Variants in EYS observed in about 807,000 individuals in gnomAD.
EYS encodes EGF-like photoreceptor maintenance factor.
In EYS, 250 loss-of-function variants were observed where a neutral mutation model predicts 282.1. That is an observed-to-expected ratio of 0.89 (90% CI 0.80 to 0.98). EYS has a LOEUF of 0.98. EYS is among the 50% of genes least tolerant of loss of function. EYS has a pLI of 0.00. For synonymous variants in EYS, 1,355 were observed against 1,282.9 expected (o/e 1.06, Z -1.20); for missense variants, 4,016 against 3,709.0 (o/e 1.08, Z -2.15).
chr6:65,252,960 A>G (rs931621973), intron 12 of EYS, among the ~76,000 whole-genome samples: 2 of 151,960 alleles, frequency 1.3e-5, no homozygotes, highest in African/African-American at 2.4e-5. Flanking sequence ...GACCTGTTAG[A>G]CAATAAAATT....
intron 29 of EYS, among the ~76,000 whole-genome samples, chr6:64,365,615 C>T (rs1772157621): frequency 6.6e-6 from 1 of 151,992 alleles, no homozygotes. Flanking sequence ...GTAGTCCCCC[C>T]TTATTCATGG....
At chr6:65,452,905 T>A (rs1764457799) in intron 5 of EYS, among the ~76,000 whole-genome samples, 2 of 152,016 alleles carry the variant, frequency 1.3e-5, no homozygotes, top group South Asian at 4.1e-4. Context: ...ATCAATCTGA[T>A]AATGAGAAAT....
chr6:65,350,075 C>T (rs531895519), intron 9 of EYS, among the ~76,000 whole-genome samples: 7 of 151,362 alleles, frequency 4.6e-5, no homozygotes, highest in African/African-American at 1.7e-4. Context: ...TGTAAAAATG[C>T]TTTAAAAACT....
At chr6:64,682,360 T>G (rs1471095214) in intron 22 of EYS, among the ~76,000 whole-genome samples, 1 of 151,850 alleles carries the variant, frequency 6.6e-6, no homozygotes. Flanking sequence ...AGAGGGAGAC[T>G]CCATCTCAAA....
chr6:63,971,461 G>C (rs1487611652), intron 35 of EYS, among the ~76,000 whole-genome samples: 1 of 152,100 alleles, frequency 6.6e-6, no homozygotes, highest in Non-Finnish European at 1.5e-5. Context: ...ATAGAAAATA[G>C]CACTGGAAGT....
At chr6:65,248,181 TAA>T (rs1767230638) in intron 12 of EYS, among the ~76,000 whole-genome samples, 1 of 152,104 alleles carries the variant, frequency 6.6e-6, no homozygotes, top group Non-Finnish European at 1.5e-5. Flanking sequence ...CTACTATTAT[TAA>T]GTCAGAAATA....
Position 65,707,200 on chromosome 6 carries a change from T to TGCCTA in EYS, c.-518_-514dup, listed in dbSNP as rs1434036607. 1 of 152,162 alleles carries TGCCTA rather than the reference T, an allele frequency of 6.6e-6. No individual in the cohort carries two copies. Among genetic ancestry groups the TGCCTA allele is most frequent in the East Asian group, 1.9e-4 (1 of 5,186 alleles). The allele number at this position is 152,162 out of a possible 1,614,324, so 9.4% of individuals were successfully genotyped here. A position where few individuals can be genotyped will look rare whatever the true frequency, so the allele number is the denominator to read the frequency against. On this transcript the variant is annotated 5_prime_UTR_variant, in exon 1 of 43. Coordinates refer to ENST00000503581, the MANE Select transcript of EYS (RefSeq NM_001142800.2). ...TCTGATTACGGTTAATGTCTGGACA[T>TGCCTA]GCCTAGCGTGTATCACTTTGTTTCT...
At position 64,291,072 on chromosome 6, in the gene EYS, G is replaced by T. The variant is rs200530437; in HGVS notation, c.6191+15898C>A. On this transcript the variant is annotated intron_variant, in intron 30 of 42. Transcript: ENST00000503581. The stretch of plus-strand genomic sequence containing the variant: ...GAGCGGGTATATAAGCTCTTCTGTT[G>T]CAAAGCTAGTAGAAAACTTAACTTT... Among the ~76,000 whole-genome samples, 15 of 57,106 alleles carry T rather than the reference G, an allele frequency of 2.6e-4. No individual in the cohort carries two copies. The East Asian group carries it at 3.7e-3, about 14-fold the overall frequency. 37.5% of individuals were successfully genotyped at this position (57,106 alleles called of 152,430 possible). A position where few individuals can be genotyped will look rare whatever the true frequency, so the allele number is the denominator to read the frequency against.
At chr6:64,877,201 T>C (rs1766774645) in intron 19 of EYS, among the ~76,000 whole-genome samples, 1 of 152,100 alleles carries the variant, frequency 6.6e-6, no homozygotes, top group African/African-American at 2.4e-5. Context: ...CTCCACAGTT[T>C]TGGCCTGAGA....
rs181871126 is a variant in EYS, at chr6:64,027,491, C to T, written c.6726-28308G>A. Among the ~76,000 whole-genome samples, 50 of 152,234 alleles carry T rather than the reference C, an allele frequency of 3.3e-4. No individual in the cohort carries two copies. The East Asian group carries it at 7.0e-3, about 21-fold the overall frequency. ...GAGGCATTACTAAACCTGGCAACCT[C>T]GGTGTTCTATAATAGGGACCAAGAG... On this transcript the variant is annotated intron_variant, in intron 33 of 42. Transcript: ENST00000503581.
At chr6:63,796,678 G>A (rs1770652863) in intron 37 of EYS, among the ~76,000 whole-genome samples, 1 of 152,080 alleles carries the variant, frequency 6.6e-6, no homozygotes, top group Non-Finnish European at 1.5e-5. Context: ...AAAGTCCCAA[G>A]TAGTACAAGG....
intron 28 of EYS, among the ~76,000 whole-genome samples, chr6:64,394,481 T>G (rs1168423348): frequency 1.3e-5 from 2 of 152,070 alleles, no homozygotes; most frequent in Non-Finnish European, 2.9e-5. Flanking sequence ...ACGCCGCATA[T>G]CTACAACTAT....
intron 36 of EYS, among the ~76,000 whole-genome samples, chr6:63,861,378 A>C (rs1387999700): frequency 6.6e-6 from 1 of 152,204 alleles, no homozygotes; most frequent in African/African-American, 2.4e-5. Flanking sequence ...TGTCCTAGGC[A>C]TAATTATCTT....
chr6:65,526,905 T>C (rs1185804629), intron 2 of EYS, among the ~76,000 whole-genome samples: 1 of 152,186 alleles, frequency 6.6e-6, no homozygotes, highest in Non-Finnish European at 1.5e-5. Context: ...TAAGCTTCTC[T>C]AAAACTCAAC....
intron 41 of EYS, among the ~76,000 whole-genome samples, chr6:63,730,491 T>C (rs993247194): frequency 1.2e-4 from 18 of 152,196 alleles, no homozygotes; most frequent in Admixed American, 1.2e-3. Context: ...GTGCATATGG[T>C]GCACTGCATA....
intron 1 of EYS, among the ~76,000 whole-genome samples, chr6:65,676,148 C>A (rs1245503444): frequency 6.6e-6 from 1 of 151,706 alleles, no homozygotes; most frequent in Non-Finnish European, 1.5e-5. Context: ...CTCAAATAAA[C>A]AACCTAACTT....
intron 18 of EYS, among the ~76,000 whole-genome samples, chr6:64,900,782 C>T (rs985466679): frequency 6.6e-6 from 1 of 152,074 alleles, no homozygotes; most frequent in Non-Finnish European, 1.5e-5. Context: ...AATGCTTTTA[C>T]ACTGTTGGTG....
At chr6:65,258,609 C>T (rs1767535718) in intron 12 of EYS, among the ~76,000 whole-genome samples, 1 of 151,974 alleles carries the variant, frequency 6.6e-6, no homozygotes, top group African/African-American at 2.4e-5. Flanking sequence ...GTCTTTCTTG[C>T]ATTGGTTAAA....
At chr6:64,479,472 T>C (rs1776370837) in intron 26 of EYS, among the ~76,000 whole-genome samples, 1 of 151,960 alleles carries the variant, frequency 6.6e-6, no homozygotes, top group African/African-American at 2.4e-5. Flanking sequence ...AATCTCTTAC[T>C]GTAAATGCCA....
Sources: gnomAD v4.1 joint callset for allele counts (sites outside exome capture counted in the v4.1 genomes callset) on GRCh38, gnomAD v4.1.1 for gene constraint, MANE v1.5 for transcripts, NCBI Gene and HGNC (gene_info 2026-07-23, HGNC 2026-07-21) for gene names.